The following CFAP74 variants were observed in gnomAD, a reference collection of about 807,000 sequenced individuals.
CFAP74 encodes cilia and flagella associated protein 74.
CFAP74 carries 124 observed loss-of-function variants against 188.9 expected under a neutral mutation model. That is an observed-to-expected ratio of 0.66 (90% confidence interval 0.57 to 0.76). CFAP74 has a LOEUF of 0.76. Ranked by LOEUF, CFAP74 falls within the 30% of genes least tolerant of loss-of-function variation. The pLI is 0.00. For synonymous variants in CFAP74, 956 were observed against 916.7 expected (o/e 1.04, Z -0.77); for missense variants, 2,198 against 2,165.2 (o/e 1.02, Z -0.30).
chr1:1,931,148 A>C (rs1395258918), intron 25 of CFAP74, among the ~76,000 whole-genome samples: 1 of 152,204 alleles, frequency 6.6e-6, no homozygotes, highest in African/African-American at 2.4e-5. Flanking sequence ...TTCTTTAAAA[A>C]GGCTGGCATG....
At chr1:1,927,465 A>G in intron 28 of CFAP74, 142 bp downstream of exon 28, 1 of 806,122 alleles carries the variant, frequency 1.2e-6, no homozygotes, top group Non-Finnish European at 1.9e-6. Flanking sequence ...ACCTGGATCC[A>G]GCTGTGTCTG....
intron 10 of CFAP74, among the ~76,000 whole-genome samples, chr1:1,970,380 G>A (rs1314369624): frequency 6.6e-6 from 1 of 152,096 alleles, no homozygotes; most frequent in Non-Finnish European, 1.5e-5. Flanking sequence ...GGAGCCGGAG[G>A]CTCTCGACAG....
chr1:1,987,880 G>A (rs150083647), intron 4 of CFAP74: 8 of 337,014 alleles, frequency 2.4e-5, no homozygotes, highest in Admixed American at 1.2e-4. Flanking sequence ...TGCCGGAGCC[G>A]AGGAGGGAAA....
At position 1,966,461 on chromosome 1, in the gene CFAP74, G is replaced by C. The variant is rs1655478991; in HGVS notation, c.1311C>G (p.Ile437Met). The stretch of plus-strand genomic sequence containing the variant: ...CTGAGCTGGCCCCGGGGTCCCCCTG[G>C]ATAAGCTCACTGGAAACGACTTCCA... ...RLLEVVSSEL[I>M]QGDPGASSEE... Residue 437 changes from isoleucine (I) to methionine (M), a missense_variant, in exon 12 of 39, where the codon ATC (isoleucine) becomes ATG (methionine). Coordinates refer to ENST00000682832, the MANE Select transcript of CFAP74 (RefSeq NM_001304360.2). The C allele has an allele frequency of 2.5e-6, 4 of 1,606,728 alleles. No homozygotes were observed. The South Asian group carries it at 3.3e-5, about 13-fold the overall frequency.
intron 1 of CFAP74, among the ~76,000 whole-genome samples, chr1:1,994,859 A>G (rs1657832305): frequency 6.6e-6 from 1 of 152,198 alleles, no homozygotes; most frequent in Non-Finnish European, 1.5e-5. Context: ...TTTTCAGTAC[A>G]TGAATCTACC....
intron 17 of CFAP74, 54 bp downstream of exon 17, chr1:1,956,566 C>T (rs1224915012): frequency 3.1e-6 from 5 of 1,607,212 alleles, no homozygotes; most frequent in Non-Finnish European, 4.3e-6. Context: ...CCACATGGGA[C>T]TGGATTTGGG....
At chr1:1,983,611 G>C (rs983539141) in intron 6 of CFAP74, 1 of 152,398 alleles carries the variant, frequency 6.6e-6, no homozygotes, top group East Asian at 1.9e-4. Context: ...CTGGGATGCG[G>C]GGCCGAGGGG....
At chr1:1,947,904 G>A (rs546085199) in intron 18 of CFAP74, among the ~76,000 whole-genome samples, 91 of 152,112 alleles carry the variant, frequency 6.0e-4, no homozygotes, top group African/African-American at 2.0e-3. Context: ...ACGGAGTCTC[G>A]GTCTGTCATC....
At chr1:1,934,944 T>G (rs1378795225) in intron 25 of CFAP74, among the ~76,000 whole-genome samples, 31 of 31,610 alleles carry the variant, frequency 9.8e-4, no homozygotes, top group East Asian at 1.7e-3. Flanking sequence ...GGTGTGTACG[T>G]GGGTGTTAGG....
intron 6 of CFAP74, among the ~76,000 whole-genome samples, chr1:1,976,371 A>C (rs1292384821): frequency 6.6e-6 from 1 of 151,936 alleles, no homozygotes; most frequent in Non-Finnish European, 1.5e-5. Flanking sequence ...GATCTTTGAA[A>C]ATGTGTGGCA....
rs574684210 is a variant in CFAP74 at position 1,939,134 on chromosome 1, G to A, written c.2878-146C>T. ...TGAGAGTGTCGCTGTCAACGAGTGT[G>A]TGTCAGCAAGTGTGTGAGTGTGAGC... On this transcript the variant is annotated intron_variant, in intron 24 of 38. Coordinates refer to ENST00000682832, the MANE Select transcript of CFAP74 (RefSeq NM_001304360.2). 6.3e-5 allele frequency: 53 copies of A among 844,604 alleles called. No individual in the cohort carries two copies. The East Asian group carries it at 1.4e-3, about 22-fold the overall frequency. The allele number at this position is 844,604 out of a possible 1,614,324, so 52.3% of individuals were successfully genotyped here.
Position 1,923,421 on chromosome 1 carries a change from C to A in CFAP74, c.4468G>T (p.Val1490Leu). 5 of 1,602,244 alleles carry A rather than the reference C, an allele frequency of 3.1e-6. No homozygotes were observed. Among genetic ancestry groups the A allele is most frequent in the Non-Finnish European group, 4.3e-6 (5 of 1,175,672 alleles). Residue 1490 changes from valine to leucine, a missense_variant, in exon 36 of 39, where the codon GTG becomes TTG. Physicochemically the swap from Val to Leu is conservative, Grantham distance 32 (BLOSUM62 1). Transcript: ENST00000682832. This position sits in a 1 kb window ranked among gnomAD's most constrained non-coding sequence, Gnocchi z 6.3. ...ATCGCTGTCAGAGACTCCACGGGCA[C>A]GTCCAGGGGGTCGCCGCCCTCCACG... ...MFVEGGDPLD[V>L]PVESLTAIPV...
intron 1 of CFAP74, among the ~76,000 whole-genome samples, chr1:1,992,191 G>A (rs1169028640): frequency 6.6e-6 from 1 of 152,156 alleles, no homozygotes; most frequent in African/African-American, 2.4e-5. Flanking sequence ...TTGTGACAGG[G>A]TCTCACTCTG....
chr1:1,935,334 G>A (rs971439336), intron 25 of CFAP74, among the ~76,000 whole-genome samples: 2 of 94,312 alleles, frequency 2.1e-5, no homozygotes, highest in Middle Eastern at 4.9e-3. Context: ...ACACAGGTGT[G>A]TACGTGGGTG....
At chr1:1,929,797 C>G (rs1652215461) in intron 26 of CFAP74, among the ~76,000 whole-genome samples, 1 of 152,004 alleles carries the variant, frequency 6.6e-6, no homozygotes, top group African/African-American at 2.4e-5. Context: ...AGGCCAGCAG[C>G]CTGGGGAGCT....
chr1:2,003,631 T>C (rs898468899), intron 1 of CFAP74, 70 bp downstream of exon 1: 2 of 152,354 alleles, frequency 1.3e-5, no homozygotes, highest in Admixed American at 6.5e-5. Context: ...GACGGAGTTC[T>C]GCCTGGGGGG....
chr1:1,943,080 G>T (rs1476721764), intron 21 of CFAP74, among the ~76,000 whole-genome samples: 1 of 152,218 alleles, frequency 6.6e-6, no homozygotes, highest in South Asian at 2.1e-4. Context: ...CTCCCCGTCA[G>T]GCAGACGCTG....
rs150956800 is a variant in CFAP74 at position 1,987,863 on chromosome 1, C to T, written c.296+649G>A. The T allele has an allele frequency of 5.8e-3, 1,956 of 340,158 alleles. 12 individuals are homozygous for T. The highest frequency in any genetic ancestry group is 9.2e-3 in the Non-Finnish European group (1,582 of 172,844). The allele number at this position is 340,158 out of a possible 1,614,324, so 21.1% of individuals were successfully genotyped here. On this transcript the variant is annotated intron_variant, in intron 4 of 38. Transcript: ENST00000682832. ...CCATGACGGTCACTTGGAAAACACACGGGCGCTGCCGGAGCCGAGGAGGGA... is the reference window on the plus strand; with the variant it reads ...CCATGACGGTCACTTGGAAAACACATGGGCGCTGCCGGAGCCGAGGAGGGA...
chr1:1,961,924 C>T (rs998806248), intron 14 of CFAP74, among the ~76,000 whole-genome samples: 1 of 152,176 alleles, frequency 6.6e-6, no homozygotes, highest in African/African-American at 2.4e-5. Flanking sequence ...CCATCAGAGC[C>T]CACGCGCCCC....
Sources: gnomAD v4.1 joint callset for allele counts (sites outside exome capture counted in the v4.1 genomes callset) on GRCh38, gnomAD v4.1.1 for gene constraint, Gnocchi (gnomAD v3.1) non-coding constraint, MANE v1.5 for transcripts, NCBI Gene and HGNC (gene_info 2026-07-23, HGNC 2026-07-21) for gene names.